TARDBP: variants seen among roughly 807,000 people sequenced by gnomAD.
TARDBP encodes the protein TAR DNA-binding protein 43.
Under a neutral mutation model 38.3 loss-of-function variants are expected in TARDBP, and 4 were observed. The observed-to-expected ratio is 0.10, with a 90% confidence interval of 0.05 to 0.24. The LOEUF (loss-of-function observed/expected upper bound fraction) is 0.24, where lower values mean the gene tolerates loss of function less well. Among genes scored for constraint, TARDBP ranks in the 10% least tolerant of loss-of-function variants. The pLI is 1.00. For missense variants in TARDBP, 202 were observed against 521.9 expected, an observed-to-expected ratio of 0.39 and a Z score of 5.97; for synonymous variants, 184 against 183.8, an observed-to-expected ratio of 1.00 and a Z score of -0.01.
downstream of TARDBP, chr1:11,027,466 C>T: frequency 6.2e-7 from 1 of 1,614,074 alleles, no homozygotes; most frequent in Non-Finnish European, 8.5e-7. Context: ...ATGTCCAGGG[C>T]GGATGCATCA....
intron 2 of TARDBP, chr1:11,015,669 C>CAA (rs35070440): frequency 9.3e-4 from 135 of 144,698 alleles, no homozygotes; most frequent in African/African-American, 2.2e-3. Flanking sequence ...GACTCCGTCT[C>CAA]AAAAAAAAAA....
chr1:11,018,841 C>A lies in TARDBP; in HGVS notation c.511C>A (p.Arg171=). The change falls in exon 4 of 6, where the codon CGA becomes AGA. Residue 171 remains arginine (R), a synonymous_variant. Coordinates refer to ENST00000240185, the MANE Select transcript of TARDBP (RefSeq NM_007375.4). ...GTCACAGCGACATATGATAGATGGACGATGGTGTGACTGCAAACTTCCTAA... is the reference window on the plus strand; with the variant it reads ...GTCACAGCGACATATGATAGATGGAAGATGGTGTGACTGCAAACTTCCTAA... ...VMSQRHMIDG[R]WCDCKLPNSK... 6.2e-7 allele frequency: 1 copy of A among 1,614,114 alleles called. No homozygotes were observed. Among genetic ancestry groups the A allele is most frequent in the Non-Finnish European group, 8.5e-7 (1 of 1,180,026 alleles).
intron 2 of TARDBP, 33 bp downstream of exon 2, chr1:11,013,998 G>T: frequency 6.2e-7 from 1 of 1,603,972 alleles, no homozygotes; most frequent in Non-Finnish European, 8.5e-7. Flanking sequence ...TAATCATGCT[G>T]AAGTGTGTTC....
At position 11,014,738 on chromosome 1, in the gene TARDBP, A is replaced by C. The variant is rs534712185; in HGVS notation, c.238+773A>C. Among the ~76,000 whole-genome samples, 8 of 152,284 alleles carry C rather than the reference A, an allele frequency of 5.3e-5. No homozygotes were observed. The South Asian group carries it at 6.2e-4, about 12-fold the overall frequency. The stretch of plus-strand genomic sequence containing the variant: ...TGGATCACCTGAGATCAGGAGTTTG[A>C]GATGAGCCTGGCCAACATGATGAAA... On this transcript the variant is annotated intron_variant, in intron 2 of 5. Coordinates refer to ENST00000240185, the MANE Select transcript of TARDBP (RefSeq NM_007375.4).
chr1:11,026,164 T>C (rs2100864467), downstream of TARDBP: 1 of 153,456 alleles, frequency 6.5e-6, no homozygotes, highest in East Asian at 1.9e-4. Context: ...AGCATTGGAA[T>C]TGCTAGGTCA....
chr1:11,015,023 C>G (rs1643490772), intron 2 of TARDBP, among the ~76,000 whole-genome samples: 1 of 151,776 alleles, frequency 6.6e-6, no homozygotes, highest in Non-Finnish European at 1.5e-5. Flanking sequence ...AGGAGAATCG[C>G]TTGAACCTGG....
Position 11,024,767 on chromosome 1 carries a change from C to T in TARDBP, c.*2113C>T, listed in dbSNP as rs1643699727. Reference sequence around the variant, plus strand: ...TTACAAAACTCACACTCTCACAATGCATTGTTAAGTATGTAAAAGCAATAA... The same window carrying T: ...TTACAAAACTCACACTCTCACAATGTATTGTTAAGTATGTAAAAGCAATAA... On this transcript the variant is annotated 3_prime_UTR_variant, in exon 6 of 6. Coordinates refer to ENST00000240185, the MANE Select transcript of TARDBP (RefSeq NM_007375.4). The T allele has an allele frequency of 6.6e-6, 1 of 152,608 alleles. No individual in the cohort carries two copies. Among genetic ancestry groups the T allele is most frequent in the Non-Finnish European group, 1.5e-5 (1 of 68,054 alleles). 9.5% of individuals were successfully genotyped at this position (152,608 alleles called of 1,614,324 possible).
Position 11,013,698 on chromosome 1 carries a change from T to C in TARDBP, c.-12-18T>C. On this transcript the variant is annotated intron_variant, in intron 1 of 5. Coordinates refer to ENST00000240185, the MANE Select transcript of TARDBP (RefSeq NM_007375.4). The stretch of plus-strand genomic sequence containing the variant: ...TTCTGACATGAATGTTGTTCATTCA[T>C]ATCTCTTTTCTCTTTAGGAAAAGTA... The C allele has an allele frequency of 6.4e-7, 1 of 1,559,466 alleles. No homozygotes were observed. The highest frequency in any genetic ancestry group is 2.3e-5 in the East Asian group (1 of 44,062).
intron 5 of TARDBP, among the ~76,000 whole-genome samples, chr1:11,021,267 T>G (rs1643633043): frequency 6.6e-6 from 1 of 151,896 alleles, no homozygotes; most frequent in South Asian, 2.1e-4. Flanking sequence ...GCCTCCTGAG[T>G]AGCTGGGATT....
exon 3 of TARDBP, chr1:11,030,500 A>G: frequency 1.7e-6 from 1 of 576,950 alleles, no homozygotes; most frequent in East Asian, 2.9e-5. Flanking sequence ...TAAGGTGTTG[A>G]CTTGTTAAAT....
At chr1:11,029,138 G>A (rs527412247), downstream of TARDBP, among the ~76,000 whole-genome samples, 10 of 147,072 alleles carry the variant, frequency 6.8e-5, no homozygotes, top group East Asian at 4.1e-4. Context: ...GACTACAGGC[G>A]CCTGCCACCA....
At position 11,013,787 on chromosome 1, in the gene TARDBP, G is replaced by A. The variant is rs1643463090; in HGVS notation, c.60G>A (p.Ser20=). 5 of 1,613,780 alleles carry A rather than the reference G, an allele frequency of 3.1e-6. No individual in the cohort carries two copies. Among genetic ancestry groups the A allele is most frequent in the Non-Finnish European group, 4.2e-6 (5 of 1,179,776 alleles). ...ACGATGAGCCCATTGAAATACCATC[G>A]GAAGACGATGGGACGGTGCTGCTCT... The part of the protein sequence containing the change: ...DENDEPIEIP[S]EDDGTVLLST... Residue 20 remains serine, a synonymous_variant, in exon 2 of 6, where the codon TCG becomes TCA. Coordinates refer to ENST00000240185, the MANE Select transcript of TARDBP (RefSeq NM_007375.4).
chr1:11,019,767 C>T (rs1468211997), intron 4 of TARDBP, among the ~76,000 whole-genome samples: 2 of 151,976 alleles, frequency 1.3e-5, no homozygotes, highest in South Asian at 2.1e-4. Context: ...GGGGTTTCAC[C>T]GTGTTAGCCA....
At chr1:11,018,980 G>A (rs1643582681) in intron 4 of TARDBP, 107 bp downstream of exon 4, 4 of 1,523,466 alleles carry the variant, frequency 2.6e-6, no homozygotes, top group Non-Finnish European at 3.6e-6. Context: ...GTGTGTTCAT[G>A]AAATCCTTTT....
At chr1:11,029,632 ATCTTTTTTTTTTT>A (rs1643807183), downstream of TARDBP, 1 of 48,550 alleles carries the variant, frequency 2.1e-5, no homozygotes, top group Admixed American at 3.5e-4. Context: ...AATTTTTAAA[ATCTTTTTTTTTTT>A]TTTTTTTTTT....
rs1454111646 is a variant in TARDBP at position 11,023,165 on chromosome 1, A to G, written c.*511A>G. ...GTCTCCCCTCATACACAAAAGTACA[A>G]TATGAAGCCTTCATTTAATCTCTGC... On this transcript the variant is annotated 3_prime_UTR_variant, in exon 6 of 6. Transcript: ENST00000240185. 6.5e-7 allele frequency: 1 copy of G among 1,550,014 alleles called. No individual in the cohort carries two copies. Among genetic ancestry groups the G allele is most frequent in the Non-Finnish European group, 8.7e-7 (1 of 1,146,612 alleles).
At chr1:11,021,362 A>G (rs1041024772) in intron 5 of TARDBP, among the ~76,000 whole-genome samples, 6 of 152,008 alleles carry the variant, frequency 3.9e-5, no homozygotes, top group African/African-American at 1.5e-4. Flanking sequence ...GCTGGTCTCG[A>G]ACTCCTGACC....
downstream of TARDBP, chr1:11,027,328 TATTCA>T: frequency 1.2e-6 from 2 of 1,614,108 alleles, no homozygotes; most frequent in Non-Finnish European, 1.7e-6. Flanking sequence ...ACAACTTTGT[TATTCA>T]ATTTAATCAG....
rs898694355 is a variant in TARDBP at position 11,024,589 on chromosome 1, C to A, written c.*1935C>A. 1.3e-5 allele frequency: 2 copies of A among 152,598 alleles called. No individual in the cohort carries two copies. The highest frequency in any genetic ancestry group is 4.8e-5 in the African/African-American group (2 of 41,440). The allele number at this position is 152,598 out of a possible 1,614,324, so 9.5% of individuals were successfully genotyped here. A position where few individuals can be genotyped will look rare whatever the true frequency, so the allele number is the denominator to read the frequency against. ...TGCAGTAGGGATAAAGTAGAAGAAA[C>A]CACAAATTATCTTGTGCCTGAAATC... is the stretch of plus-strand genomic sequence containing the variant. On this transcript the variant is annotated 3_prime_UTR_variant, in exon 6 of 6. Coordinates refer to ENST00000240185, the MANE Select transcript of TARDBP (RefSeq NM_007375.4).
Sources: allele counts gnomAD v4.1 joint callset (sites outside exome capture counted in the v4.1 genomes callset), GRCh38; gene constraint gnomAD v4.1.1; transcripts MANE v1.5; gene names NCBI Gene and HGNC (gene_info 2026-07-23, HGNC 2026-07-21).